SNRPD1: variants seen among roughly 807,000 people sequenced by gnomAD.
SNRPD1 encodes the protein small nuclear ribonucleoprotein Sm D1.
Under a neutral mutation model 14.4 loss-of-function variants are expected in SNRPD1, and 1 was observed. The ratio of observed to expected loss-of-function variants is 0.07; its 90% CI spans 0.02 to 0.33. SNRPD1 has a LOEUF of 0.33. SNRPD1 is among the 10% of genes least tolerant of loss of function. SNRPD1 has a pLI of 1.00. For synonymous variants in SNRPD1, 42 were observed against 50.3 expected (o/e 0.83, Z 0.70); for missense variants, 52 against 146.4 (o/e 0.36, Z 3.33).
chr18:21,629,295 A>C lies in SNRPD1; in HGVS notation c.*157A>C. ...TTTCCTCCACATTCACGAAATTACC[A>C]CAGTGAGAGCTAAGCATTTCTACTG... is the stretch of plus-strand genomic sequence containing the variant. On this transcript the variant is annotated 3_prime_UTR_variant, in exon 4 of 4. Transcript: ENST00000300413. The C allele has an allele frequency of 8.3e-6, 5 of 602,734 alleles. No homozygotes were observed. In the South Asian group the frequency reaches 1.1e-4, roughly 14 times the overall value. The allele number at this position is 602,734 out of a possible 1,614,324, so 37.3% of individuals were successfully genotyped here.
intron 1 of SNRPD1, among the ~76,000 whole-genome samples, chr18:21,615,424 T>C (rs2038950012): frequency 1.3e-5 from 2 of 152,140 alleles, no homozygotes; most frequent in Admixed American, 1.3e-4. Flanking sequence ...GAAACCAGCC[T>C]GACCAACATG....
rs1206269063 is a variant in SNRPD1 at position 21,633,181 on chromosome 18, A to G, written c.*4043A>G. 12 of 152,310 alleles carry G rather than the reference A, an allele frequency of 7.9e-5. No homozygotes were observed. In the East Asian group the frequency reaches 2.3e-3, roughly 29 times the overall value. The allele number at this position is 152,310 out of a possible 1,614,324, so 9.4% of individuals were successfully genotyped here. ...TAGTTTTTAAAGAAATGTATTATGA[A>G]TATAGATAGAAAACCCAAAGTGAAG... On this transcript the variant is annotated 3_prime_UTR_variant, in exon 4 of 4. Transcript: ENST00000300413.
At chr18:21,617,665 C>G (rs371902300) in intron 1 of SNRPD1, among the ~76,000 whole-genome samples, 2 of 152,144 alleles carry the variant, frequency 1.3e-5, no homozygotes, top group South Asian at 2.1e-4. Context: ...ATGAAAGGAA[C>G]CTGCCTAACT....
At chr18:21,620,820 A>T (rs1441874905) in intron 1 of SNRPD1, among the ~76,000 whole-genome samples, 2 of 152,188 alleles carry the variant, frequency 1.3e-5, no homozygotes, top group African/African-American at 2.4e-5. Flanking sequence ...TGAGAATGTC[A>T]ATAATGTGAA....
At chr18:21,626,542 G>A (rs1411970770) in intron 3 of SNRPD1, among the ~76,000 whole-genome samples, 1 of 151,994 alleles carries the variant, frequency 6.6e-6, no homozygotes, top group African/African-American at 2.4e-5. Context: ...TGTAATCCCA[G>A]CACTTTCAGA....
intron 1 of SNRPD1, among the ~76,000 whole-genome samples, chr18:21,618,957 AGGT>A: frequency 6.6e-6 from 1 of 152,318 alleles, no homozygotes; most frequent in East Asian, 1.9e-4. Context: ...GGAGGATAAT[AGGT>A]TATCTTATGT....
chr18:21,632,115 G>A lies in SNRPD1; in HGVS notation c.*2977G>A, dbSNP rs1186820132. 1.3e-5 allele frequency: 2 copies of A among 152,036 alleles called. No homozygotes were observed. Among genetic ancestry groups the A allele is most frequent in the Admixed American group, 1.3e-4 (2 of 15,226 alleles). 9.4% of individuals were successfully genotyped at this position (152,036 alleles called of 1,614,324 possible). A position where few individuals can be genotyped will look rare whatever the true frequency, so the allele number is the denominator to read the frequency against. ...AGCCTGGGTAACCTAGTGAGACCTG[G>A]CTCTTAAATTTAAAATTTAAATGAA... On this transcript the variant is annotated 3_prime_UTR_variant, in exon 4 of 4. Coordinates refer to ENST00000300413, the MANE Select transcript of SNRPD1 (RefSeq NM_006938.4).
chr18:21,612,688 TAG>T (rs1278240748), intron 1 of SNRPD1, among the ~76,000 whole-genome samples: 2 of 152,374 alleles, frequency 1.3e-5, no homozygotes, highest in East Asian at 3.9e-4. Context: ...CCTAGTGACT[TAG>T]AGGCTTTAAA....
At position 21,612,713 on chromosome 18, in the gene SNRPD1, C is replaced by T. The variant is rs185893972; in HGVS notation, c.14+270C>T. On this transcript the variant is annotated intron_variant, in intron 1 of 3. Transcript: ENST00000300413. ...TAGAGGCTTTAAAGATGCAGCGCCT[C>T]CTGGGACACATCTCCCTCTTACAGT... Among the ~76,000 whole-genome samples, 136 of 152,376 alleles carry T rather than the reference C, an allele frequency of 8.9e-4. 1 individual carries two copies. Among genetic ancestry groups the T allele is most frequent in the Non-Finnish European group, 1.7e-3 (113 of 68,040 alleles).
intron 1 of SNRPD1, among the ~76,000 whole-genome samples, chr18:21,620,830 A>G (rs1286301198): frequency 6.6e-6 from 1 of 152,226 alleles, no homozygotes; most frequent in Non-Finnish European, 1.5e-5. Context: ...AATAATGTGA[A>G]CAGGTAATTC....
At chr18:21,620,517 G>A (rs1211071590) in intron 1 of SNRPD1, among the ~76,000 whole-genome samples, 1 of 152,148 alleles carries the variant, frequency 6.6e-6, no homozygotes, top group Non-Finnish European at 1.5e-5. Context: ...ATATTATCAA[G>A]GCAACTGGCT....
intron 2 of SNRPD1, among the ~76,000 whole-genome samples, chr18:21,623,364 T>C (rs1412887045): frequency 1.3e-5 from 2 of 152,146 alleles, no homozygotes; most frequent in Non-Finnish European, 2.9e-5. Flanking sequence ...AATTCTTATA[T>C]ACAGAGAGAA....
At chr18:21,618,989 A>G (rs1332246491) in intron 1 of SNRPD1, among the ~76,000 whole-genome samples, 2 of 152,120 alleles carry the variant, frequency 1.3e-5, no homozygotes, top group African/African-American at 4.8e-5. Context: ...TAGTGTGATG[A>G]TAGGATCTGT....
In SNRPD1 at chr18:21,631,396, G is replaced by C. The variant is rs2039082105; in HGVS notation, c.*2258G>C. ...TATTAAAGGTGAGTTGGCTTGACAA[G>C]ATACAACCAATATGTAATTTTTCTC... On this transcript the variant is annotated 3_prime_UTR_variant, in exon 4 of 4. Coordinates refer to ENST00000300413, the MANE Select transcript of SNRPD1 (RefSeq NM_006938.4). The C allele has an allele frequency of 7.5e-6, 1 of 133,426 alleles. No individual in the cohort carries two copies. Among genetic ancestry groups the C allele is most frequent in the African/African-American group, 2.8e-5 (1 of 35,358 alleles). The allele number at this position is 133,426 out of a possible 1,614,324, so 8.3% of individuals were successfully genotyped here.
rs1206837651 is a variant in SNRPD1, at chr18:21,612,331, C to T, written c.-99C>T. On this transcript the variant is annotated 5_prime_UTR_variant, in exon 1 of 4. Coordinates refer to ENST00000300413, the MANE Select transcript of SNRPD1 (RefSeq NM_006938.4). Reference sequence around the variant, plus strand: ...CGCGCGCTCTTGACGTCCGGAGCCCCTGGAGTAGGCGCTTCCGGCCATTCA... The same window carrying T: ...CGCGCGCTCTTGACGTCCGGAGCCCTTGGAGTAGGCGCTTCCGGCCATTCA... 4 of 896,518 alleles carry T rather than the reference C, an allele frequency of 4.5e-6. No homozygotes were observed. Among genetic ancestry groups the T allele is most frequent in the South Asian group, 4.4e-5 (2 of 45,718 alleles). 55.5% of individuals were successfully genotyped at this position (896,518 alleles called of 1,614,324 possible).
intron 3 of SNRPD1, among the ~76,000 whole-genome samples, chr18:21,626,890 A>G (rs892687768): frequency 3.3e-5 from 5 of 151,342 alleles, no homozygotes; most frequent in Admixed American, 2.6e-4. Context: ...AGCTCACTGC[A>G]GCCTCAAACC....
In SNRPD1 at chr18:21,633,348, A is replaced by G. The variant is rs2039099745; in HGVS notation, c.*4210A>G. 6.6e-6 allele frequency: 1 copy of G among 152,204 alleles called. No individual in the cohort carries two copies. The highest frequency in any genetic ancestry group is 1.5e-5 in the Non-Finnish European group (1 of 68,042). 9.4% of individuals were successfully genotyped at this position (152,204 alleles called of 1,614,324 possible). A position where few individuals can be genotyped will look rare whatever the true frequency, so the allele number is the denominator to read the frequency against. ...TATCATACATATAACATTTAATAAC[A>G]TACAGTTCTTGTTCCTGAAGACTTA... On this transcript the variant is annotated 3_prime_UTR_variant, in exon 4 of 4. Coordinates refer to ENST00000300413, the MANE Select transcript of SNRPD1 (RefSeq NM_006938.4).
At chr18:21,628,093 A>C (rs534493469) in intron 3 of SNRPD1, among the ~76,000 whole-genome samples, 2 of 152,230 alleles carry the variant, frequency 1.3e-5, no homozygotes, top group South Asian at 4.1e-4. Context: ...ACAAATTTCT[A>C]ATGTGGCCAG....
intron 3 of SNRPD1, among the ~76,000 whole-genome samples, chr18:21,625,639 C>G (rs895204459): frequency 6.0e-5 from 9 of 151,196 alleles, no homozygotes; most frequent in African/African-American, 1.9e-4. Context: ...GAGATGGACT[C>G]TCACTCTGTC....
Sources: allele counts gnomAD v4.1 joint callset (sites outside exome capture counted in the v4.1 genomes callset), GRCh38; gene constraint gnomAD v4.1.1; transcripts MANE v1.5; gene names NCBI Gene and HGNC (gene_info 2026-07-23, HGNC 2026-07-21).